The following SH3PXD2B variants were observed in gnomAD, a reference collection of about 807,000 sequenced individuals.
SH3PXD2B encodes the protein SH3 and PX domain-containing protein 2B.
SH3PXD2B carries 37 observed loss-of-function variants against 73.1 expected under a neutral mutation model. That is an observed-to-expected ratio of 0.51 (90% CI 0.39 to 0.67). The LOEUF (loss-of-function observed/expected upper bound fraction) is 0.67, where lower values mean the gene tolerates loss of function less well. Among genes scored for constraint, SH3PXD2B ranks in the 30% least tolerant of loss-of-function variants. SH3PXD2B has a pLI of 0.00. For synonymous variants in SH3PXD2B, 457 were observed against 480.5 expected (o/e 0.95, Z 0.64); for missense variants, 1,053 against 1,197.8 (o/e 0.88, Z 1.78).
intron 1 of SH3PXD2B, among the ~76,000 whole-genome samples, chr5:172,451,248 A>G (rs1180087772): frequency 6.6e-6 from 1 of 152,208 alleles, no homozygotes; most frequent in Non-Finnish European, 1.5e-5. Flanking sequence ...GTGAGTGATG[A>G]GCAGGTAGTG....
At chr5:172,383,659 T>C (rs984056450) in intron 4 of SH3PXD2B, among the ~76,000 whole-genome samples, 5 of 152,200 alleles carry the variant, frequency 3.3e-5, no homozygotes, top group African/African-American at 1.2e-4. Context: ...CGTGTGCATA[T>C]GCATGAATTG....
chr5:172,430,868 CTTTTTT>C (rs5873323), intron 1 of SH3PXD2B, among the ~76,000 whole-genome samples: 1 of 149,526 alleles, frequency 6.7e-6, no homozygotes, highest in African/African-American at 2.5e-5. Context: ...TTCTTTCTTT[CTTTTTT>C]TTTTTCTTTT....
rs539014683 is a variant in SH3PXD2B, at chr5:172,421,571, T to C, written c.156+845A>G. Among the ~76,000 whole-genome samples the C allele has an allele frequency of 5.9e-4, 90 of 152,086 alleles. No individual in the cohort carries two copies. Among genetic ancestry groups the C allele is most frequent in the Non-Finnish European group, 1.2e-3 (80 of 68,014 alleles). On this transcript the variant is annotated intron_variant, in intron 2 of 12. Transcript: ENST00000311601. This position sits in a 1 kb window ranked among gnomAD's most constrained non-coding sequence, Gnocchi z 4.0. ...CAATACAGAGAGACACACAGAGCTG[T>C]AGGGGCACAGAATGGGTGGCCCTCG...
At chr5:172,405,445 G>A (rs867346882) in intron 3 of SH3PXD2B, among the ~76,000 whole-genome samples, 1 of 152,234 alleles carries the variant, frequency 6.6e-6, no homozygotes, top group South Asian at 2.1e-4. Flanking sequence ...GGGATCTGAA[G>A]CCCTAGTCAG....
intron 1 of SH3PXD2B, among the ~76,000 whole-genome samples, chr5:172,437,105 G>A (rs1186159230): frequency 6.6e-6 from 1 of 152,156 alleles, no homozygotes; most frequent in Non-Finnish European, 1.5e-5. Context: ...GGTCACACAG[G>A]CCCAAGGTGG....
intron 3 of SH3PXD2B, among the ~76,000 whole-genome samples, chr5:172,394,896 G>A (rs1758261596): frequency 6.6e-6 from 1 of 152,170 alleles, no homozygotes; most frequent in Non-Finnish European, 1.5e-5. Flanking sequence ...TGAGATAAGG[G>A]AGGCTGGAAG....
chr5:172,416,696 CTTT>C (rs202242720), intron 2 of SH3PXD2B, among the ~76,000 whole-genome samples: 140 of 62,100 alleles, frequency 2.3e-3, no homozygotes, highest in African/African-American at 8.0e-3. Context: ...CTCTCTCTCT[CTTT>C]TTTTTTTTTT....
intron 1 of SH3PXD2B, among the ~76,000 whole-genome samples, chr5:172,446,731 T>C (rs568352578): frequency 6.6e-6 from 1 of 152,320 alleles, no homozygotes; most frequent in South Asian, 2.1e-4. Context: ...ACGTTTCTGG[T>C]GCCCTGTGAC....
chr5:172,327,107 G>A (rs933774469), intron 12 of SH3PXD2B, among the ~76,000 whole-genome samples: 19 of 152,068 alleles, frequency 1.2e-4, no homozygotes, highest in Non-Finnish European at 1.9e-4. Context: ...TGATCCGCCC[G>A]CCACGGCCTC....
intron 12 of SH3PXD2B, among the ~76,000 whole-genome samples, chr5:172,343,110 G>A (rs1756895964): frequency 1.3e-5 from 2 of 152,242 alleles, no homozygotes; most frequent in African/African-American, 4.8e-5. Flanking sequence ...TTAAATTAGA[G>A]TGGAGGTCAC....
intron 11 of SH3PXD2B, 107 bp from the exon 12 acceptor site, chr5:172,346,368 G>T: frequency 6.5e-7 from 1 of 1,547,482 alleles, no homozygotes; most frequent in Non-Finnish European, 8.8e-7. Context: ...TTAAGGGGGT[G>T]CTGGGGACCT....
At chr5:172,425,036 C>G (rs984297766) in intron 1 of SH3PXD2B, among the ~76,000 whole-genome samples, 2 of 152,104 alleles carry the variant, frequency 1.3e-5, no homozygotes, top group Admixed American at 6.5e-5. Context: ...GAAGGGGCCA[C>G]GGCATCCTTT....
At chr5:172,398,150 T>C in intron 3 of SH3PXD2B, among the ~76,000 whole-genome samples, 1 of 152,260 alleles carries the variant, frequency 6.6e-6, no homozygotes, top group Admixed American at 6.5e-5. Context: ...AAGTGGCGGA[T>C]GGTAACCAAT....
At chr5:172,364,564 C>G (rs1757469196) in intron 6 of SH3PXD2B, among the ~76,000 whole-genome samples, 2 of 152,162 alleles carry the variant, frequency 1.3e-5, no homozygotes, top group South Asian at 4.1e-4. Flanking sequence ...ACTCAGGAGG[C>G]TGAGCCATGA....
intron 2 of SH3PXD2B, among the ~76,000 whole-genome samples, chr5:172,409,829 C>A (rs1029418126): frequency 6.6e-6 from 1 of 152,214 alleles, no homozygotes; most frequent in African/African-American, 2.4e-5. Flanking sequence ...GATTCTCCTG[C>A]CTCAGCCTCC....
At chr5:172,370,198 G>T (rs1757669277) in intron 6 of SH3PXD2B, among the ~76,000 whole-genome samples, 1 of 152,126 alleles carries the variant, frequency 6.6e-6, no homozygotes, top group Non-Finnish European at 1.5e-5. Context: ...ATAAATTAAA[G>T]ATGACTCCTT....
Position 172,336,901 on chromosome 5 carries a change from T to G in SH3PXD2B, c.*1468A>C, listed in dbSNP as rs1756709556. Reference sequence around the variant, plus strand: ...GTTTCTTCAAGGGAGAAAACAGATTTGGCAGTGCGTGAAAAAAGAAAAAAA... The same window carrying G: ...GTTTCTTCAAGGGAGAAAACAGATTGGGCAGTGCGTGAAAAAAGAAAAAAA... On this transcript the variant is annotated 3_prime_UTR_variant, in exon 13 of 13. Coordinates refer to ENST00000311601, the MANE Select transcript of SH3PXD2B (RefSeq NM_001017995.3). 2 of 985,286 alleles carry G rather than the reference T, an allele frequency of 2.0e-6. No individual in the cohort carries two copies. The highest frequency in any genetic ancestry group is 1.2e-4 in the Admixed American group (2 of 16,254). 61.0% of individuals were successfully genotyped at this position (985,286 alleles called of 1,614,324 possible). A position where few individuals can be genotyped will look rare whatever the true frequency, so the allele number is the denominator to read the frequency against.
At chr5:172,382,257 A>C (rs536101203) in intron 4 of SH3PXD2B, 130 bp from the exon 5 acceptor site, 1 of 690,460 alleles carries the variant, frequency 1.4e-6, no homozygotes, top group Admixed American at 2.7e-5. Flanking sequence ...CGGAGGTTGC[A>C]GTGAGCTGAG....
At chr5:172,419,409 T>C (rs556736542) in intron 2 of SH3PXD2B, among the ~76,000 whole-genome samples, 36 of 152,226 alleles carry the variant, frequency 2.4e-4, no homozygotes, top group African/African-American at 8.4e-4. Flanking sequence ...CAGTGAACTA[T>C]GATCCAGGGC....
Sources: allele counts gnomAD v4.1 joint callset (sites outside exome capture counted in the v4.1 genomes callset), GRCh38; gene constraint gnomAD v4.1.1; non-coding constraint Gnocchi (gnomAD v3.1); transcripts MANE v1.5; gene names NCBI Gene and HGNC (gene_info 2026-07-23, HGNC 2026-07-21).